Variants in DTWD1 observed in about 807,000 individuals in gnomAD.
The protein encoded by DTWD1 is tRNA-uridine aminocarboxypropyltransferase 1.
In DTWD1, 27 loss-of-function variants were observed where a neutral mutation model predicts 30.2. That is an observed-to-expected ratio of 0.90 (90% CI 0.66 to 1.23). The LOEUF is 1.23. Among genes scored for constraint, DTWD1 ranks in the 50% most tolerant of loss-of-function variants. The pLI is 0.00. For synonymous variants in DTWD1, 99 were observed against 113.1 expected (o/e 0.88, Z 0.79); for missense variants, 342 against 348.8 (o/e 0.98, Z 0.15).
chr15:49,639,698 A>T (rs1448839731), intron 4 of DTWD1, among the ~76,000 whole-genome samples: 1 of 152,220 alleles, frequency 6.6e-6, no homozygotes, highest in Non-Finnish European at 1.5e-5. Flanking sequence ...CATATATGAG[A>T]ATGGTAAAAG....
chr15:49,624,901 T>A (rs974140025), intron 1 of DTWD1, among the ~76,000 whole-genome samples: 1 of 152,222 alleles, frequency 6.6e-6, no homozygotes, highest in Non-Finnish European at 1.5e-5. Flanking sequence ...GAAAAATGGA[T>A]TCTCAGTACC....
At chr15:49,624,295 T>C (rs2078809427) in intron 1 of DTWD1, among the ~76,000 whole-genome samples, 2 of 152,176 alleles carry the variant, frequency 1.3e-5, no homozygotes, top group South Asian at 4.1e-4. Flanking sequence ...GAGAATTATT[T>C]TACAGCTGTG....
At chr15:49,628,670 A>G (rs2078877258) in intron 2 of DTWD1, among the ~76,000 whole-genome samples, 1 of 152,192 alleles carries the variant, frequency 6.6e-6, no homozygotes, top group Non-Finnish European at 1.5e-5. Flanking sequence ...CTTTTATAAA[A>G]CATAAGTGTT....
chr15:49,626,463 G>T (rs946021886), intron 2 of DTWD1, among the ~76,000 whole-genome samples: 1 of 151,966 alleles, frequency 6.6e-6, no homozygotes, highest in Non-Finnish European at 1.5e-5. Flanking sequence ...ATAGGTAAAA[G>T]GTCTGTAGAA....
chr15:49,632,832 T>C (rs1480814626), intron 3 of DTWD1, among the ~76,000 whole-genome samples: 1 of 152,038 alleles, frequency 6.6e-6, no homozygotes, highest in Admixed American at 6.6e-5. Flanking sequence ...AATTGTCACA[T>C]TGGTGAGAAA....
chr15:49,640,319 T>C (rs2079051479), intron 4 of DTWD1, among the ~76,000 whole-genome samples: 1 of 152,150 alleles, frequency 6.6e-6, no homozygotes, highest in Non-Finnish European at 1.5e-5. Context: ...CTGAATAATA[T>C]CTGTGATATA....
At chr15:49,639,176 C>T (rs1043230428) in intron 4 of DTWD1, among the ~76,000 whole-genome samples, 1 of 152,136 alleles carries the variant, frequency 6.6e-6, no homozygotes, top group African/African-American at 2.4e-5. Flanking sequence ...GGATGTCACC[C>T]TCACTTTGCA....
chr15:49,635,491 G>C lies in DTWD1; in HGVS notation c.667+697G>C, dbSNP rs949676916. 7.2e-5 allele frequency among the ~76,000 whole-genome samples: 11 copies of C among 151,804 alleles called. No homozygotes were observed. The East Asian group carries it at 2.1e-3, about 29-fold the overall frequency. On this transcript the variant is annotated intron_variant, in intron 4 of 4. Transcript: ENST00000403028. The stretch of plus-strand genomic sequence containing the variant: ...GCCTTACAGGTTTTTTGTTGTTCTT[G>C]TTGTTGTTTGTTTGTTTGTTTTTGA...
At position 49,653,852 on chromosome 15, in the gene DTWD1, A is replaced by T. The variant is rs1306883397; in HGVS notation, c.*10274A>T. On this transcript the variant is annotated 3_prime_UTR_variant, in exon 5 of 5. Transcript: ENST00000403028. ...AGCAGAATTTAGAGGAAATTTTTCA[A>T]CCTAGTACTTGTCATTTTTTTATAG... The T allele has an allele frequency of 6.6e-6, 1 of 152,094 alleles. No individual in the cohort carries two copies. Among genetic ancestry groups the T allele is most frequent in the East Asian group, 1.9e-4 (1 of 5,160 alleles). 9.4% of individuals were successfully genotyped at this position (152,094 alleles called of 1,614,324 possible).
chr15:49,636,888 C>A (rs1011896001), intron 4 of DTWD1, among the ~76,000 whole-genome samples: 2 of 152,022 alleles, frequency 1.3e-5, no homozygotes, highest in South Asian at 4.1e-4. Context: ...TGGTGATTAC[C>A]CCATCTCTCC....
rs1489428861 is a variant in DTWD1 at position 49,652,979 on chromosome 15, C to G, written c.*9401C>G. ...TAGCTGCCAAAGTTACCTTAATGCC[C>G]ATGGGAAGCAAAAAATCAAAGAGTT... On this transcript the variant is annotated 3_prime_UTR_variant, in exon 5 of 5. Transcript: ENST00000403028. The G allele has an allele frequency of 6.6e-6, 1 of 152,076 alleles. No homozygotes were observed. Among genetic ancestry groups the G allele is most frequent in the Non-Finnish European group, 1.5e-5 (1 of 68,010 alleles). 9.4% of individuals were successfully genotyped at this position (152,076 alleles called of 1,614,324 possible).
chr15:49,633,049 C>CTATATATATATATCTATATA (rs2078948448), intron 3 of DTWD1, among the ~76,000 whole-genome samples: 2 of 117,316 alleles, frequency 1.7e-5, no homozygotes, highest in South Asian at 2.7e-4. Flanking sequence ...ATATCTATAT[C>CTATATATATATATCTATATA]TATATATATA....
intron 4 of DTWD1, among the ~76,000 whole-genome samples, chr15:49,636,057 T>C (rs559919921): frequency 1.3e-5 from 2 of 152,326 alleles, no homozygotes; most frequent in African/African-American, 4.8e-5. Flanking sequence ...ATAGATTAGA[T>C]GCATTTTCTG....
Position 49,643,401 on chromosome 15 carries a change from T to C in DTWD1, c.738T>C (p.Thr246=), listed in dbSNP as rs750883910. 1 of 1,600,188 alleles carries C rather than the reference T, an allele frequency of 6.2e-7. No homozygotes were observed. Residue 246 remains threonine, a synonymous_variant, in exon 5 of 5, where the codon ACT becomes ACC. Coordinates refer to ENST00000403028, the MANE Select transcript of DTWD1 (RefSeq NM_001144955.2). ...FWRHQKGKPD[T]FLSTIEAIYY... ...GCCATCAAAAAGGAAAGCCAGATACTTTCCTTTCTACAATTGAAGCCATTT... is the reference window on the plus strand; with the variant it reads ...GCCATCAAAAAGGAAAGCCAGATACCTTCCTTTCTACAATTGAAGCCATTT...
At position 49,645,048 on chromosome 15, in the gene DTWD1, G is replaced by C. The variant is rs946812812; in HGVS notation, c.*1470G>C. The C allele has an allele frequency of 1.3e-5, 2 of 152,094 alleles. No individual in the cohort carries two copies. Among genetic ancestry groups the C allele is most frequent in the African/African-American group, 4.8e-5 (2 of 41,418 alleles). The allele number at this position is 152,094 out of a possible 1,614,324, so 9.4% of individuals were successfully genotyped here. On this transcript the variant is annotated 3_prime_UTR_variant, in exon 5 of 5. Coordinates refer to ENST00000403028, the MANE Select transcript of DTWD1 (RefSeq NM_001144955.2). ...GAGTTCTTGGTGAAATTAGTTTGCT[G>C]TACATTACGTTGTTTCCCTCCCAGG...
chr15:49,647,129 A>T lies in DTWD1; in HGVS notation c.*3551A>T, dbSNP rs943244163. 6.6e-6 allele frequency: 1 copy of T among 152,190 alleles called. No individual in the cohort carries two copies. Among genetic ancestry groups the T allele is most frequent in the African/African-American group, 2.4e-5 (1 of 41,458 alleles). The allele number at this position is 152,190 out of a possible 1,614,324, so 9.4% of individuals were successfully genotyped here. A position where few individuals can be genotyped will look rare whatever the true frequency, so the allele number is the denominator to read the frequency against. On this transcript the variant is annotated 3_prime_UTR_variant, in exon 5 of 5. Coordinates refer to ENST00000403028, the MANE Select transcript of DTWD1 (RefSeq NM_001144955.2). ...TACTCATGACTTCATTTGTAGAAACATGTATATCTTAAGCATATCAAGTGT... is the reference window on the plus strand; with the variant it reads ...TACTCATGACTTCATTTGTAGAAACTTGTATATCTTAAGCATATCAAGTGT...
chr15:49,631,888 A>C, intron 2 of DTWD1: 1 of 354,202 alleles, frequency 2.8e-6, no homozygotes, highest in Non-Finnish European at 5.1e-6. Context: ...AACTTAAGTG[A>C]AAATGACATT....
At position 49,632,278 on chromosome 15, in the gene DTWD1, A is replaced by G. The variant is rs1486530106; in HGVS notation, c.384A>G (p.Pro128=). The change falls in exon 3 of 5, where the codon CCA becomes CCG. Residue 128 remains proline, a synonymous_variant. Transcript: ENST00000403028. ...ACATTTACACGTATCCGTGTATTCC[A>G]GAATATGAAGAAAAGGACCATGAAG... ...FVNIYTYPCI[P]EYEEKDHEVA... The G allele has an allele frequency of 2.5e-6, 4 of 1,584,032 alleles. No homozygotes were observed. Among genetic ancestry groups the G allele is most frequent in the Admixed American group, 2.0e-5 (1 of 49,426 alleles).
At chr15:49,624,012 C>G (rs1178500910) in intron 1 of DTWD1, among the ~76,000 whole-genome samples, 2 of 150,880 alleles carry the variant, frequency 1.3e-5, no homozygotes, top group Non-Finnish European at 2.9e-5. Context: ...TTTTGTATCT[C>G]TTTATTTGTA....
Sources: allele counts gnomAD v4.1 joint callset (sites outside exome capture counted in the v4.1 genomes callset), GRCh38; gene constraint gnomAD v4.1.1; transcripts MANE v1.5; gene names NCBI Gene and HGNC (gene_info 2026-07-23, HGNC 2026-07-21).